The following SNTG1 variants were observed in gnomAD, a reference collection of about 807,000 sequenced individuals.
SNTG1 encodes gamma-1-syntrophin.
Under a neutral mutation model 74.7 loss-of-function variants are expected in SNTG1, and 39 were observed. That is an observed-to-expected ratio of 0.52 (90% CI 0.40 to 0.68). The LOEUF is 0.68. Among genes scored for constraint, SNTG1 ranks in the 30% least tolerant of loss-of-function variants. The pLI is 0.00. For missense variants in SNTG1, 685 were observed against 609.5 expected (o/e 1.12, Z -1.30); for synonymous variants, 254 against 217.1 (o/e 1.17, Z -1.49).
intron 15 of SNTG1, among the ~76,000 whole-genome samples, chr8:50,697,947 T>G (rs1281001343): frequency 6.6e-6 from 1 of 152,168 alleles, no homozygotes; most frequent in East Asian, 1.9e-4. Context: ...ATACAGGATT[T>G]GTATAATAAG....
intron 12 of SNTG1, among the ~76,000 whole-genome samples, chr8:50,571,962 G>A (rs527311898): frequency 2.6e-5 from 4 of 152,258 alleles, no homozygotes; most frequent in East Asian, 3.9e-4. Flanking sequence ...GGTCACACAC[G>A]TCACTTGAGG....
chr8:50,166,907 T>A (rs907649817), intron 1 of SNTG1, among the ~76,000 whole-genome samples: 2 of 150,452 alleles, frequency 1.3e-5, no homozygotes, highest in African/African-American at 5.0e-5. Flanking sequence ...ATTAAGAAAA[T>A]GTGGCAAATA....
intron 18 of SNTG1, among the ~76,000 whole-genome samples, chr8:50,783,127 G>A (rs534472199): frequency 5.9e-5 from 9 of 152,276 alleles, no homozygotes; most frequent in African/African-American, 2.2e-4. Flanking sequence ...TCCCAGTTAG[G>A]CTGCTCGGGG....
intron 15 of SNTG1, among the ~76,000 whole-genome samples, chr8:50,678,072 T>G (rs1430472244): frequency 6.6e-6 from 1 of 151,774 alleles, no homozygotes; most frequent in Admixed American, 6.6e-5. Context: ...AACCTGCACT[T>G]TCTGCACATG....
chr8:49,995,447 A>T (rs1814113555), intron 1 of SNTG1, among the ~76,000 whole-genome samples: 1 of 152,208 alleles, frequency 6.6e-6, no homozygotes, highest in East Asian at 1.9e-4. Context: ...TTGACATAGA[A>T]GGATTAGTGG....
At chr8:50,505,286 A>G (rs770818138) in intron 9 of SNTG1, among the ~76,000 whole-genome samples, 3 of 152,186 alleles carry the variant, frequency 2.0e-5, no homozygotes, top group Admixed American at 1.3e-4. Context: ...GAATAATGCT[A>G]CAATGAACAT....
chr8:50,671,362 C>A (rs1586030254), intron 15 of SNTG1, among the ~76,000 whole-genome samples: 1 of 151,786 alleles, frequency 6.6e-6, no homozygotes, highest in Non-Finnish European at 1.5e-5. Flanking sequence ...AAACAAACAA[C>A]CCCATCAAAA....
chr8:50,694,363 A>C (rs1034093855), intron 15 of SNTG1, among the ~76,000 whole-genome samples: 8 of 152,122 alleles, frequency 5.3e-5, no homozygotes, highest in African/African-American at 1.7e-4. Context: ...TCTGGGACAC[A>C]TACAACCTAC....
intron 15 of SNTG1, among the ~76,000 whole-genome samples, chr8:50,698,474 T>A (rs185199515): frequency 1.3e-5 from 2 of 151,926 alleles, no homozygotes; most frequent in East Asian, 3.9e-4. Context: ...CCTGTACTGG[T>A]GGGGGAAGGG....
chr8:50,360,873 T>C (rs1022435639), intron 2 of SNTG1, among the ~76,000 whole-genome samples: 1 of 152,164 alleles, frequency 6.6e-6, no homozygotes, highest in Non-Finnish European at 1.5e-5. Context: ...GGTAAGTGAA[T>C]ATGAAGGCCT....
At chr8:50,571,772 T>C (rs1006803742) in intron 12 of SNTG1, among the ~76,000 whole-genome samples, 8 of 152,306 alleles carry the variant, frequency 5.3e-5, no homozygotes, top group African/African-American at 1.7e-4. Flanking sequence ...TCTCACCTCC[T>C]ACCAGGCATA....
At chr8:50,254,789 T>G (rs1901052) in intron 2 of SNTG1, among the ~76,000 whole-genome samples, 84,773 of 150,146 alleles carry the variant, frequency 0.56, 27,386 homozygotes, top group East Asian at 0.83. Context: ...GAGGTTGCAG[T>G]GATCTGAGAT....
chr8:50,709,620 A>G (rs916714412), intron 17 of SNTG1, among the ~76,000 whole-genome samples: 1 of 152,170 alleles, frequency 6.6e-6, no homozygotes, highest in Admixed American at 6.5e-5. Flanking sequence ...GGAATGACAA[A>G]TGACAAAGCC....
In SNTG1 at chr8:50,615,786, A is replaced by C. The variant is rs575511687; in HGVS notation, c.849+24869A>C. Among the ~76,000 whole-genome samples, 13 of 152,374 alleles carry C rather than the reference A, an allele frequency of 8.5e-5. No homozygotes were observed. In the South Asian group the frequency reaches 2.5e-3, roughly 29 times the overall value. Reference sequence around the variant, plus strand: ...CTGACTTGTGTGCCACAAAAATAGCAGCTGTAGGAAACAGACACCACATCT... The same window carrying C: ...CTGACTTGTGTGCCACAAAAATAGCCGCTGTAGGAAACAGACACCACATCT... On this transcript the variant is annotated intron_variant, in intron 13 of 18. Coordinates refer to ENST00000642720, the MANE Select transcript of SNTG1 (RefSeq NM_018967.5).
chr8:49,937,563 A>G (rs925224379), intron 1 of SNTG1, among the ~76,000 whole-genome samples: 1 of 152,218 alleles, frequency 6.6e-6, no homozygotes. Flanking sequence ...ATTGGAGAGT[A>G]CTGATGGAGA....
chr8:50,701,938 C>T (rs2095427531), intron 15 of SNTG1, among the ~76,000 whole-genome samples: 1 of 151,714 alleles, frequency 6.6e-6, no homozygotes, highest in South Asian at 2.1e-4. Flanking sequence ...GCAACCTCCT[C>T]ATCCTAGGTT....
At chr8:50,153,677 C>T (rs913824011) in intron 1 of SNTG1, among the ~76,000 whole-genome samples, 4 of 152,190 alleles carry the variant, frequency 2.6e-5, no homozygotes, top group African/African-American at 9.6e-5. Flanking sequence ...ACTCCAGACC[C>T]TGTTTGCCTG....
intron 1 of SNTG1, among the ~76,000 whole-genome samples, chr8:50,114,058 A>C (rs1165487502): frequency 6.6e-6 from 1 of 152,120 alleles, no homozygotes; most frequent in Non-Finnish European, 1.5e-5. Context: ...AAGACTAATA[A>C]TCTAGGAATA....
chr8:50,441,280 AG>A (rs2093355282), intron 5 of SNTG1, among the ~76,000 whole-genome samples: 1 of 152,206 alleles, frequency 6.6e-6, no homozygotes, highest in Non-Finnish European at 1.5e-5. Context: ...GTCTCCAGCC[AG>A]GGTACCTTGT....
Sources: allele counts gnomAD v4.1 joint callset (sites outside exome capture counted in the v4.1 genomes callset), GRCh38; gene constraint gnomAD v4.1.1; transcripts MANE v1.5; gene names NCBI Gene and HGNC (gene_info 2026-07-23, HGNC 2026-07-21).